FYB1: variants seen among roughly 807,000 people sequenced by gnomAD.
FYB1 encodes FYN-binding protein 1.
In FYB1, 41 loss-of-function variants were observed where a neutral mutation model predicts 94.1. The ratio of observed to expected loss-of-function variants is 0.44; its 90% CI spans 0.34 to 0.57. The LOEUF (loss-of-function observed/expected upper bound fraction) is 0.57. Among genes scored for constraint, FYB1 ranks in the 20% least tolerant of loss-of-function variants. The pLI is 0.02. For synonymous variants in FYB1, 367 were observed against 353.2 expected, an observed-to-expected ratio of 1.04 and a Z score of -0.44; for missense variants, 1,050 against 976.8, an observed-to-expected ratio of 1.07 and a Z score of -1.00.
In FYB1 at chr5:39,201,807, AAACGAGAAAAG is replaced by A; in HGVS notation, c.1135+8_1135+18del. On this transcript the variant is annotated splice_region_variant and intron_variant, in intron 2 of 18. Coordinates refer to ENST00000512982, the MANE Select transcript of FYB1 (RefSeq NM_001465.6). ...CTTGGAGTAAACCATACTGAATAGC[AAACGAGAAAAG>A]AACTCACTGTTTCCAGAAGAGGTTT... is the stretch of plus-strand genomic sequence containing the variant. 1 of 1,596,772 alleles carries A rather than the reference AAACGAGAAAAG, an allele frequency of 6.3e-7. No homozygotes were observed. Among genetic ancestry groups the A allele is most frequent in the Middle Eastern group, 1.7e-4 (1 of 5,944 alleles).
chr5:39,124,415 C>G, intron 12 of FYB1, 137 bp from the exon 13 acceptor site: 1 of 515,224 alleles, frequency 1.9e-6, no homozygotes, highest in Non-Finnish European at 3.4e-6. Context: ...TCATTTCTTT[C>G]TCATCCTCCA....
chr5:39,145,367 A>G (rs1407722437), intron 3 of FYB1, among the ~76,000 whole-genome samples: 2 of 152,182 alleles, frequency 1.3e-5, no homozygotes, highest in Non-Finnish European at 2.9e-5. Context: ...ATATGTTAAT[A>G]TATACACGCA....
intron 3 of FYB1, among the ~76,000 whole-genome samples, chr5:39,147,406 C>G (rs779025842): frequency 6.7e-6 from 1 of 150,200 alleles, no homozygotes; most frequent in Non-Finnish European, 1.5e-5. Context: ...GTAGCTGAGA[C>G]GACAGGCACG....
chr5:39,219,634 C>T, upstream of FYB1: 1 of 984,176 alleles, frequency 1.0e-6, no homozygotes, highest in Non-Finnish European at 1.2e-6. Flanking sequence ...CCTCCCCTGA[C>T]CAGGCAAACT....
At chr5:39,220,460 GGAAA>G (rs976491792), upstream of FYB1, among the ~76,000 whole-genome samples, 16 of 146,038 alleles carry the variant, frequency 1.1e-4, no homozygotes, top group South Asian at 2.4e-3. Context: ...ATAAAGAGAA[GGAAA>G]GAAAGAAAGA....
rs1750079530 is a variant in FYB1, at chr5:39,218,841, T to G, written c.-28+602A>C. On this transcript the variant is annotated intron_variant, in intron 1 of 18. Coordinates refer to ENST00000512982, the MANE Select transcript of FYB1 (RefSeq NM_001465.6). ...AAAGGCTCCGAGGAAAATTTGGAGT[T>G]GCTGGTTGCTTTGAAAGGCCTCCTT... 2.0e-5 allele frequency among the ~76,000 whole-genome samples: 3 copies of G among 152,234 alleles called. No individual in the cohort carries two copies. In the South Asian group the frequency reaches 6.2e-4, roughly 31 times the overall value.
chr5:39,244,380 T>G (rs1436593520), intron 1 of FYB1, among the ~76,000 whole-genome samples: 4 of 148,470 alleles, frequency 2.7e-5, no homozygotes, highest in Non-Finnish European at 5.9e-5. Context: ...AAAGGCCTTT[T>G]CTGCGTCTAT....
At chr5:39,272,262 G>A (rs1396568961) in intron 1 of FYB1, among the ~76,000 whole-genome samples, 2 of 152,164 alleles carry the variant, frequency 1.3e-5, no homozygotes, top group Non-Finnish European at 1.5e-5. Context: ...ATACTAGCAA[G>A]ATAGTGAACA....
At chr5:39,221,593 T>C (rs987390665), upstream of FYB1, among the ~76,000 whole-genome samples, 1 of 152,212 alleles carries the variant, frequency 6.6e-6, no homozygotes, top group East Asian at 1.9e-4. Context: ...AGGAAGACTT[T>C]ACCTAACATG....
chr5:39,262,618 C>T (rs983584727), intron 1 of FYB1, among the ~76,000 whole-genome samples: 4 of 151,910 alleles, frequency 2.6e-5, no homozygotes, highest in African/African-American at 9.7e-5. Flanking sequence ...GTTCTCATAC[C>T]CTCTATGCCA....
chr5:39,169,610 C>T (rs1014035455), intron 2 of FYB1: 55 of 451,866 alleles, frequency 1.2e-4, no homozygotes, highest in African/African-American at 9.1e-4. Flanking sequence ...TTTGGGAGGC[C>T]GAGGCGGGTG....
intron 3 of FYB1, among the ~76,000 whole-genome samples, chr5:39,147,475 T>G (rs1742768326): frequency 6.6e-6 from 1 of 151,284 alleles, no homozygotes; most frequent in Non-Finnish European, 1.5e-5. Context: ...TGTGTGTGTG[T>G]GTGTGTGTGT....
rs1056972457 is a variant in FYB1 at position 39,162,650 on chromosome 5, A to C, written c.1136-9046T>G. Among the ~76,000 whole-genome samples, 22 of 151,720 alleles carry C rather than the reference A, an allele frequency of 1.5e-4. 1 individual carries two copies. The East Asian group carries it at 3.7e-3, about 25-fold the overall frequency. ...CAGTGAGCCGAGATGGTGCCACTGC[A>C]CTCCAGCCTGGGCAACAGAGACGCC... On this transcript the variant is annotated intron_variant, in intron 2 of 18. Coordinates refer to ENST00000512982, the MANE Select transcript of FYB1 (RefSeq NM_001465.6).
At chr5:39,171,117 G>C (rs565587238) in intron 2 of FYB1, among the ~76,000 whole-genome samples, 11 of 151,928 alleles carry the variant, frequency 7.2e-5, no homozygotes, top group African/African-American at 2.7e-4. Flanking sequence ...GTGAAACCCC[G>C]TCTCTACTAA....
chr5:39,116,096 C>T (rs1739539821), intron 16 of FYB1, among the ~76,000 whole-genome samples: 1 of 152,192 alleles, frequency 6.6e-6, no homozygotes, highest in Admixed American at 6.5e-5. Context: ...TGGAGGTCTC[C>T]AGCATGATCA....
chr5:39,192,916 G>A (rs1402186591), intron 2 of FYB1, among the ~76,000 whole-genome samples: 1 of 152,202 alleles, frequency 6.6e-6, no homozygotes, highest in Non-Finnish European at 1.5e-5. Flanking sequence ...AGCTCCAGGG[G>A]CCTTCCCCTT....
In FYB1 at chr5:39,146,006, G is replaced by A. The variant is rs147278113; in HGVS notation, c.1293-4865C>T. Reference sequence around the variant, plus strand: ...TGGCTCGCTGCAACTTCTGTCTCCCGGGTTCAAGGGATTCTCCTGCCTCAG... The same window carrying A: ...TGGCTCGCTGCAACTTCTGTCTCCCAGGTTCAAGGGATTCTCCTGCCTCAG... On this transcript the variant is annotated intron_variant, in intron 3 of 18. Coordinates refer to ENST00000512982, the MANE Select transcript of FYB1 (RefSeq NM_001465.6). 5.4e-3 allele frequency among the ~76,000 whole-genome samples: 823 copies of A among 151,352 alleles called. 8 individuals are homozygous for A. The highest frequency in any genetic ancestry group is 0.019 in the African/African-American group (763 of 41,212).
chr5:39,268,960 C>T (rs2111749917), intron 1 of FYB1, among the ~76,000 whole-genome samples: 1 of 152,264 alleles, frequency 6.6e-6, no homozygotes, highest in African/African-American at 2.4e-5. Context: ...TTCCTTTTTT[C>T]CTGCTGTTAT....
upstream of FYB1, among the ~76,000 whole-genome samples, chr5:39,222,316 C>T (rs1017198495): frequency 2.0e-5 from 3 of 152,084 alleles, no homozygotes; most frequent in Admixed American, 2.0e-4. Context: ...CTTATTTGTC[C>T]TGGATTTCCA....
Sources: allele counts gnomAD v4.1 joint callset (sites outside exome capture counted in the v4.1 genomes callset), GRCh38; gene constraint gnomAD v4.1.1; transcripts MANE v1.5; gene names NCBI Gene and HGNC (gene_info 2026-07-23, HGNC 2026-07-21).